The following F13A1 variants were observed in gnomAD, a reference collection of about 807,000 sequenced individuals.
F13A1 encodes the protein coagulation factor XIII A chain, also known as FSF, A subunit.
F13A1 carries 47 observed loss-of-function variants against 80.1 expected under a neutral mutation model. The ratio of observed to expected loss-of-function variants is 0.59; its 90% CI spans 0.46 to 0.75. The LOEUF (loss-of-function observed/expected upper bound fraction) is 0.75. Among genes scored for constraint, F13A1 ranks in the 30% least tolerant of loss-of-function variants. The pLI is 0.00. For missense variants in F13A1, 817 were observed against 930.4 expected (o/e 0.88, Z 1.59); for synonymous variants, 349 against 344.9 (o/e 1.01, Z -0.13).
chr6:6,211,001 GA>G (rs1420953642), intron 8 of F13A1, among the ~76,000 whole-genome samples: 1 of 152,198 alleles, frequency 6.6e-6, no homozygotes, highest in African/African-American at 2.4e-5. Context: ...AAAGTGCTGG[GA>G]TTATAGGTGT....
intron 11 of F13A1, among the ~76,000 whole-genome samples, chr6:6,175,751 C>G (rs1199685687): frequency 6.6e-6 from 1 of 152,106 alleles, no homozygotes; most frequent in Non-Finnish European, 1.5e-5. Context: ...CGGTGGTGCA[C>G]CTAAGTTCTA....
At position 6,288,693 on chromosome 6, in the gene F13A1, C is replaced by T. The variant is rs113520452; in HGVS notation, c.319+16658G>A. Reference sequence around the variant, plus strand: ...ACCCAGAAGTGGGATTGCTGAATCACGTTAGTTCTATTGCTAGTTTTGTGA... The same window carrying T: ...ACCCAGAAGTGGGATTGCTGAATCATGTTAGTTCTATTGCTAGTTTTGTGA... On this transcript the variant is annotated intron_variant, in intron 3 of 14. Coordinates refer to ENST00000264870, the MANE Select transcript of F13A1 (RefSeq NM_000129.4). Among the ~76,000 whole-genome samples the T allele has an allele frequency of 4.4e-3, 670 of 152,286 alleles. 7 individuals carry two copies. The highest frequency in any genetic ancestry group is 0.015 in the African/African-American group (643 of 41,550).
At chr6:6,227,902 A>C (rs915980460) in intron 6 of F13A1, among the ~76,000 whole-genome samples, 7 of 152,216 alleles carry the variant, frequency 4.6e-5, no homozygotes, top group African/African-American at 1.7e-4. Flanking sequence ...GCATTTGGGC[A>C]GATTAGCTAC....
intron 6 of F13A1, among the ~76,000 whole-genome samples, chr6:6,230,700 C>A (rs1233412613): frequency 6.6e-6 from 1 of 152,196 alleles, no homozygotes; most frequent in Non-Finnish European, 1.5e-5. Flanking sequence ...GTACCCCCTG[C>A]CACCTCCACC....
intron 10 of F13A1, among the ~76,000 whole-genome samples, chr6:6,193,554 T>C (rs974643462): frequency 2.0e-5 from 3 of 152,200 alleles, no homozygotes; most frequent in Non-Finnish European, 4.4e-5. Flanking sequence ...GCGCAGCCCA[T>C]GCCAAAGCAA....
chr6:6,145,245 C>CTCGG lies in F13A1; in HGVS notation c.*373_*374insCCGA. 1 of 284,520 alleles carries CTCGG rather than the reference C, an allele frequency of 3.5e-6. No individual in the cohort carries two copies. The highest frequency in any genetic ancestry group is 3.7e-5 in the South Asian group (1 of 26,700). 17.6% of individuals were successfully genotyped at this position (284,520 alleles called of 1,614,324 possible). ...ATTCCCAAAAGGCTGAGTGGGGAATCTGAAGTCTTGTTTTAAATGAGGCCA... is the reference window on the plus strand; with the variant it reads ...ATTCCCAAAAGGCTGAGTGGGGAATCTCGGTGAAGTCTTGTTTTAAATGAGGCCA... On this transcript the variant is annotated 3_prime_UTR_variant, in exon 15 of 15. Coordinates refer to ENST00000264870, the MANE Select transcript of F13A1 (RefSeq NM_000129.4).
At chr6:6,174,082 C>T (rs997856809) in intron 12 of F13A1, among the ~76,000 whole-genome samples, 2 of 152,112 alleles carry the variant, frequency 1.3e-5, no homozygotes, top group East Asian at 1.9e-4. Context: ...GTGCATGAGA[C>T]GTGAGGATGA....
chr6:6,179,340 T>C (rs1291854158), intron 11 of F13A1, among the ~76,000 whole-genome samples: 2 of 152,236 alleles, frequency 1.3e-5, no homozygotes, highest in African/African-American at 2.4e-5. Context: ...TAAGTTGAAG[T>C]GAACCTGATC....
intron 10 of F13A1, among the ~76,000 whole-genome samples, chr6:6,189,932 C>A (rs1761154730): frequency 6.6e-6 from 1 of 152,064 alleles, no homozygotes; most frequent in Non-Finnish European, 1.5e-5. Flanking sequence ...TCTTTTTATT[C>A]TTTTTTCTCT....
chr6:6,172,648 TG>T (rs1760797557), intron 12 of F13A1, among the ~76,000 whole-genome samples: 1 of 152,030 alleles, frequency 6.6e-6, no homozygotes, highest in Non-Finnish European at 1.5e-5. Context: ...GCTTTCACCA[TG>T]TTGGCCAGGC....
At chr6:6,189,841 C>T (rs1213296040) in intron 10 of F13A1, among the ~76,000 whole-genome samples, 2 of 151,880 alleles carry the variant, frequency 1.3e-5, no homozygotes, top group African/African-American at 4.8e-5. Flanking sequence ...TTCCATTCTC[C>T]CCATCACTTT....
chr6:6,310,777 G>A, intron 2 of F13A1, among the ~76,000 whole-genome samples: 1 of 152,146 alleles, frequency 6.6e-6, no homozygotes, highest in Non-Finnish European at 1.5e-5. Context: ...AATCATAATA[G>A]CACTGAGCAT....
intron 3 of F13A1, among the ~76,000 whole-genome samples, chr6:6,301,054 C>T (rs1561684367): frequency 6.6e-6 from 1 of 152,174 alleles, no homozygotes; most frequent in Admixed American, 6.5e-5. Flanking sequence ...GAAACCTTTG[C>T]ACTTAATTTC....
intron 8 of F13A1, among the ~76,000 whole-genome samples, chr6:6,204,053 A>G (rs1370159469): frequency 6.6e-6 from 1 of 152,130 alleles, no homozygotes; most frequent in Admixed American, 6.5e-5. Context: ...ATAGGAGCCT[A>G]TGGGGTGGTG....
At chr6:6,206,751 A>C (rs1045026538) in intron 8 of F13A1, 1 of 363,230 alleles carries the variant, frequency 2.8e-6, no homozygotes, top group Non-Finnish European at 5.7e-6. Context: ...ATAATTTTCT[A>C]AAAGATCAAT....
intron 13 of F13A1, among the ~76,000 whole-genome samples, chr6:6,165,395 A>T: frequency 6.6e-6 from 1 of 152,338 alleles, no homozygotes; most frequent in East Asian, 1.9e-4. Flanking sequence ...GATGAAAGTT[A>T]TCAGTTTCCT....
chr6:6,314,071 T>TC (rs1279627111), intron 2 of F13A1, among the ~76,000 whole-genome samples: 2 of 145,430 alleles, frequency 1.4e-5, no homozygotes, highest in Admixed American at 7.1e-5. Flanking sequence ...AACCTCCACC[T>TC]CCCAGGTTCA....
intron 2 of F13A1, among the ~76,000 whole-genome samples, chr6:6,312,374 A>T (rs150731262): frequency 1.3e-5 from 2 of 151,788 alleles, no homozygotes; most frequent in East Asian, 3.9e-4. Flanking sequence ...ATAATCTCTT[A>T]AAAGTGCGTC....
intron 3 of F13A1, among the ~76,000 whole-genome samples, chr6:6,302,130 G>T (rs1421771826): frequency 6.6e-6 from 1 of 152,142 alleles, no homozygotes; most frequent in African/African-American, 2.4e-5. Flanking sequence ...CGGCCTATGA[G>T]AGTGTTTCAA....
Sources: gnomAD v4.1 joint callset for allele counts (sites outside exome capture counted in the v4.1 genomes callset) on GRCh38, gnomAD v4.1.1 for gene constraint, MANE v1.5 for transcripts, NCBI Gene and HGNC (gene_info 2026-07-23, HGNC 2026-07-21) for gene names.